Variants in ADK observed in about 807,000 individuals in gnomAD.
ADK encodes N6,N6-dimethyladenosine kinase.
ADK carries 24 observed loss-of-function variants against 44.7 expected under a neutral mutation model. The observed-to-expected ratio is 0.54, with a 90% CI of 0.39 to 0.76. The LOEUF (loss-of-function observed/expected upper bound fraction) is 0.76. Among genes scored for constraint, ADK ranks in the 30% least tolerant of loss-of-function variants. The probability of loss-of-function intolerance (pLI) is 0.00; values close to 1 mark genes in which losing one functional copy is unlikely to be tolerated. For synonymous variants in ADK, 128 were observed against 142.6 expected (o/e 0.90, Z 0.73); for missense variants, 321 against 425.1 (o/e 0.76, Z 2.15).
chr10:74,597,892 C>T (rs1198869571), intron 8 of ADK, among the ~76,000 whole-genome samples: 1 of 152,124 alleles, frequency 6.6e-6, no homozygotes, highest in Non-Finnish European at 1.5e-5. Flanking sequence ...ATCTATCTGG[C>T]TTAAGGTGAT....
chr10:74,409,218 A>G (rs1414467996), intron 6 of ADK, among the ~76,000 whole-genome samples: 1 of 152,206 alleles, frequency 6.6e-6, no homozygotes, highest in African/African-American at 2.4e-5. Flanking sequence ...ATTTCAAATA[A>G]CATCTCTTTA....
chr10:74,346,728 C>G lies in ADK; in HGVS notation c.273+31983C>G, dbSNP rs116645390. ...TAAGGACACAGACTTTAGAGTGCCACGACAGTTCCATAACAGGAATGAATT... is the reference window on the plus strand; with the variant it reads ...TAAGGACACAGACTTTAGAGTGCCAGGACAGTTCCATAACAGGAATGAATT... On this transcript the variant is annotated intron_variant, in intron 4 of 10. Coordinates refer to ENST00000539909, the MANE Select transcript of ADK (RefSeq NM_006721.4). 7.2e-4 allele frequency among the ~76,000 whole-genome samples: 109 copies of G among 152,058 alleles called. 1 individual carries two copies. The highest frequency in any genetic ancestry group is 2.5e-3 in the African/African-American group (104 of 41,490).
intron 3 of ADK, among the ~76,000 whole-genome samples, chr10:74,296,521 C>T (rs894439968): frequency 6.6e-6 from 1 of 151,706 alleles, no homozygotes; most frequent in African/African-American, 2.4e-5. Flanking sequence ...AGAATAGGCG[C>T]TTTCATAAGC....
chr10:74,448,685 C>T (rs1415713766), intron 6 of ADK, among the ~76,000 whole-genome samples: 3 of 152,056 alleles, frequency 2.0e-5, no homozygotes, highest in African/African-American at 7.2e-5. Context: ...CTGCTTTTTT[C>T]TACATCTGGG....
intron 1 of ADK, among the ~76,000 whole-genome samples, chr10:74,167,717 A>C (rs1387202318): frequency 2.6e-5 from 4 of 152,214 alleles, no homozygotes; most frequent in Admixed American, 6.5e-5. Context: ...ACTATTGGTC[A>C]GAGGAGTTCC....
chr10:74,427,299 C>T (rs977236439), intron 6 of ADK, among the ~76,000 whole-genome samples: 2 of 152,068 alleles, frequency 1.3e-5, no homozygotes, highest in African/African-American at 4.8e-5. Flanking sequence ...CCTGGGTTCA[C>T]GCCATTCTCC....
At chr10:74,201,175 A>C (rs1843362113) in intron 2 of ADK, among the ~76,000 whole-genome samples, 1 of 152,230 alleles carries the variant, frequency 6.6e-6, no homozygotes. Flanking sequence ...ATCTACAGAC[A>C]TTCTACCCCG....
chr10:74,229,249 C>T (rs1451716415), intron 3 of ADK, among the ~76,000 whole-genome samples: 1 of 152,026 alleles, frequency 6.6e-6, no homozygotes, highest in Non-Finnish European at 1.5e-5. Context: ...AGGACGTGCT[C>T]AGGATATGAT....
chr10:74,622,670 A>G (rs1853037265), intron 9 of ADK, among the ~76,000 whole-genome samples: 1 of 152,152 alleles, frequency 6.6e-6, no homozygotes, highest in Non-Finnish European at 1.5e-5. Context: ...GGATTAGGTC[A>G]CTTTCCCAAG....
At chr10:74,445,526 GC>G (rs1592225075) in intron 6 of ADK, among the ~76,000 whole-genome samples, 1 of 151,728 alleles carries the variant, frequency 6.6e-6, no homozygotes, top group East Asian at 1.9e-4. Flanking sequence ...CTTTTTAAGT[GC>G]CTTTAAGTGA....
intron 3 of ADK, among the ~76,000 whole-genome samples, chr10:74,296,288 T>C (rs1839812532): frequency 6.6e-6 from 1 of 152,152 alleles, no homozygotes; most frequent in South Asian, 2.1e-4. Flanking sequence ...GCCTACTTCT[T>C]TAATATGTAG....
chr10:74,451,367 T>C (rs1845773410), intron 6 of ADK, among the ~76,000 whole-genome samples: 1 of 152,074 alleles, frequency 6.6e-6, no homozygotes, highest in Non-Finnish European at 1.5e-5. Context: ...TGTATTTACT[T>C]TTCCACTTTT....
intron 8 of ADK, among the ~76,000 whole-genome samples, chr10:74,596,160 A>C (rs1292902133): frequency 6.6e-6 from 1 of 152,038 alleles, no homozygotes; most frequent in African/African-American, 2.4e-5. Flanking sequence ...ATAAAAAAAA[A>C]CAACAAAAAG....
chr10:74,421,395 G>T (rs1279688683), intron 6 of ADK, among the ~76,000 whole-genome samples: 2 of 152,138 alleles, frequency 1.3e-5, no homozygotes, highest in Non-Finnish European at 2.9e-5. Context: ...AACAAGAGGG[G>T]AGAGCCAGAA....
chr10:74,212,446 C>T (rs1202718385), intron 2 of ADK, among the ~76,000 whole-genome samples: 1 of 152,146 alleles, frequency 6.6e-6, no homozygotes, highest in Non-Finnish European at 1.5e-5. Context: ...AAAGAAATCA[C>T]TTACTTCTTC....
At chr10:74,400,351 G>A (rs1843665294) in intron 6 of ADK, among the ~76,000 whole-genome samples, 2 of 152,118 alleles carry the variant, frequency 1.3e-5, no homozygotes, top group South Asian at 4.1e-4. Flanking sequence ...TTCCAAAATA[G>A]TTCTGAAAAT....
chr10:74,580,891 A>C (rs1851351449), intron 7 of ADK, among the ~76,000 whole-genome samples: 1 of 152,192 alleles, frequency 6.6e-6, no homozygotes, highest in Non-Finnish European at 1.5e-5. Flanking sequence ...TAAGTAAGCC[A>C]GGCACAGTGA....
chr10:74,699,880 A>T (rs1271294271), intron 10 of ADK, among the ~76,000 whole-genome samples: 5 of 152,224 alleles, frequency 3.3e-5, no homozygotes, highest in Non-Finnish European at 7.3e-5. Flanking sequence ...AAAGCTGGAC[A>T]GTGTACTATA....
intron 3 of ADK, among the ~76,000 whole-genome samples, chr10:74,305,306 G>T (rs145079107): frequency 6.6e-6 from 1 of 152,140 alleles, no homozygotes; most frequent in Non-Finnish European, 1.5e-5. Context: ...AGCCAGGTCC[G>T]TCTGACAGAG....
Sources: allele counts gnomAD v4.1 joint callset (sites outside exome capture counted in the v4.1 genomes callset), GRCh38; gene constraint gnomAD v4.1.1; transcripts MANE v1.5; gene names NCBI Gene and HGNC (gene_info 2026-07-23, HGNC 2026-07-21).